BRINP3: variants seen among roughly 807,000 people sequenced by gnomAD.
BRINP3 encodes the protein BMP/retinoic acid inducible neural specific 3, also known as BMP/retinoic acid-inducible neural-specific protein 3.
Under a neutral mutation model 71.0 loss-of-function variants are expected in BRINP3, and 19 were observed. That is an observed-to-expected ratio of 0.27 (90% confidence interval 0.19 to 0.39). The LOEUF is 0.39. Among genes scored for constraint, BRINP3 ranks in the 10% least tolerant of loss-of-function variants. The pLI is 1.00. For missense variants in BRINP3, 959 were observed against 940.8 expected (o/e 1.02, Z -0.25); for synonymous variants, 380 against 337.7 (o/e 1.13, Z -1.37).
intron 3 of BRINP3, among the ~76,000 whole-genome samples, chr1:190,272,255 C>T (rs1189237985): frequency 6.6e-6 from 1 of 151,346 alleles, no homozygotes; most frequent in Non-Finnish European, 1.5e-5. Context: ...TTCTATATTG[C>T]TTGTGTTTTA....
intron 2 of BRINP3, among the ~76,000 whole-genome samples, chr1:190,349,015 C>G (rs1235102208): frequency 6.6e-6 from 1 of 152,074 alleles, no homozygotes; most frequent in African/African-American, 2.4e-5. Context: ...ACATTGAGTT[C>G]ATAAAACGTA....
At chr1:190,373,917 C>T (rs1248931577) in intron 2 of BRINP3, among the ~76,000 whole-genome samples, 1 of 150,892 alleles carries the variant, frequency 6.6e-6, no homozygotes, top group East Asian at 2.1e-4. Flanking sequence ...TTTGTATGAG[C>T]AGAGACAGTA....
At chr1:190,444,870 T>C (rs1675106047) in intron 2 of BRINP3, among the ~76,000 whole-genome samples, 1 of 152,182 alleles carries the variant, frequency 6.6e-6, no homozygotes, top group Non-Finnish European at 1.5e-5. Flanking sequence ...CTTTGTTTAC[T>C]GGGAAATTTG....
intron 2 of BRINP3, among the ~76,000 whole-genome samples, chr1:190,328,757 T>G (rs1344290107): frequency 6.7e-6 from 1 of 148,814 alleles, no homozygotes; most frequent in Non-Finnish European, 1.5e-5. Flanking sequence ...ATATTCCTGA[T>G]GAACATAGAC....
In BRINP3 at chr1:190,171,914, C is replaced by T. The variant is rs181294427; in HGVS notation, c.962-11024G>A. On this transcript the variant is annotated intron_variant, in intron 6 of 7. Coordinates refer to ENST00000367462, the MANE Select transcript of BRINP3 (RefSeq NM_199051.3). Reference sequence around the variant, plus strand: ...TTGACACCAGAAGTTTGAGACCAGCCGGCGAAGCATAGTAAGACCCCAACT... The same window carrying T: ...TTGACACCAGAAGTTTGAGACCAGCTGGCGAAGCATAGTAAGACCCCAACT... Among the ~76,000 whole-genome samples the T allele has an allele frequency of 5.7e-4, 86 of 151,646 alleles. No individual in the cohort carries two copies. The East Asian group carries it at 0.013, about 23-fold the overall frequency.
intron 6 of BRINP3, among the ~76,000 whole-genome samples, chr1:190,209,647 ACTTTAAAT>A (rs780149413): frequency 4.6e-5 from 7 of 152,160 alleles, no homozygotes; most frequent in Non-Finnish European, 1.0e-4. Flanking sequence ...TTTGCTCAGT[ACTTTAAAT>A]CTTTAAATAT....
intron 4 of BRINP3, among the ~76,000 whole-genome samples, chr1:190,259,720 A>T (rs1030707283): frequency 6.6e-6 from 1 of 151,992 alleles, no homozygotes; most frequent in Admixed American, 6.6e-5. Flanking sequence ...TTTGCAGATA[A>T]CATTATCTAA....
chr1:190,295,591 T>G (rs1029100496), intron 2 of BRINP3, among the ~76,000 whole-genome samples: 1 of 152,144 alleles, frequency 6.6e-6, no homozygotes, highest in South Asian at 2.1e-4. Flanking sequence ...TGAAGCAGGC[T>G]GGGACTCAGG....
chr1:190,415,475 C>T (rs1305794891), intron 2 of BRINP3, among the ~76,000 whole-genome samples: 17 of 151,874 alleles, frequency 1.1e-4, no homozygotes, highest in Admixed American at 1.1e-3. Flanking sequence ...ACCAAAAAAG[C>T]CCAAATAAAT....
At chr1:190,303,454 C>T (rs144678519) in intron 2 of BRINP3, among the ~76,000 whole-genome samples, 2 of 151,460 alleles carry the variant, frequency 1.3e-5, no homozygotes, top group Non-Finnish European at 3.0e-5. Context: ...AGAGTAAAAG[C>T]TATAAATTAA....
intron 7 of BRINP3, among the ~76,000 whole-genome samples, chr1:190,110,838 AATT>A (rs770186579): frequency 6.6e-5 from 10 of 152,142 alleles, no homozygotes; most frequent in Non-Finnish European, 1.3e-4. Context: ...TTGGAAATTA[AATT>A]ATTATTATGT....
At chr1:190,323,724 C>T (rs2103058313) in intron 2 of BRINP3, among the ~76,000 whole-genome samples, 1 of 151,744 alleles carries the variant, frequency 6.6e-6, no homozygotes, top group Non-Finnish European at 1.5e-5. Flanking sequence ...ACATGACAAG[C>T]ATGACATGAT....
intron 2 of BRINP3, among the ~76,000 whole-genome samples, chr1:190,451,380 A>C (rs1271976920): frequency 6.6e-6 from 1 of 152,172 alleles, no homozygotes; most frequent in African/African-American, 2.4e-5. Context: ...AAAAGAATAA[A>C]GATTTCCACA....
intron 7 of BRINP3, among the ~76,000 whole-genome samples, chr1:190,140,731 C>G (rs10920611): frequency 0.14 from 20,697 of 152,086 alleles, 2,098 homozygotes; most frequent in African/African-American, 0.26. Context: ...TTGAACTAGT[C>G]ACATAATTCA....
At chr1:190,448,800 A>G (rs1423986138) in intron 2 of BRINP3, among the ~76,000 whole-genome samples, 1 of 151,876 alleles carries the variant, frequency 6.6e-6, no homozygotes, top group East Asian at 1.9e-4. Context: ...CCTTGTTTCA[A>G]GTTTGATAAT....
intron 2 of BRINP3, among the ~76,000 whole-genome samples, chr1:190,350,343 C>G (rs1012993269): frequency 6.6e-6 from 1 of 152,016 alleles, no homozygotes; most frequent in Admixed American, 6.6e-5. Context: ...ACTTAGATTC[C>G]CAGAAAAGTT....
At chr1:190,355,066 A>G (rs1668643338) in intron 2 of BRINP3, among the ~76,000 whole-genome samples, 1 of 151,864 alleles carries the variant, frequency 6.6e-6, no homozygotes, top group African/African-American at 2.4e-5. Flanking sequence ...AAACTCAGGA[A>G]TCCCTTAAAT....
intron 6 of BRINP3, among the ~76,000 whole-genome samples, chr1:190,176,717 T>C (rs1172788282): frequency 1.3e-5 from 2 of 152,160 alleles, no homozygotes; most frequent in African/African-American, 2.4e-5. Context: ...AGGGACGGGC[T>C]ACGTTAAAGC....
At chr1:190,415,261 A>G (rs1429989989) in intron 2 of BRINP3, among the ~76,000 whole-genome samples, 1 of 152,174 alleles carries the variant, frequency 6.6e-6, no homozygotes, top group African/African-American at 2.4e-5. Flanking sequence ...GCACACGCCT[A>G]CCTGAATTAC....
Sources: gnomAD v4.1 joint callset for allele counts (sites outside exome capture counted in the v4.1 genomes callset) on GRCh38, gnomAD v4.1.1 for gene constraint, MANE v1.5 for transcripts, NCBI Gene and HGNC (gene_info 2026-07-23, HGNC 2026-07-21) for gene names.